PDE3B: variants seen among roughly 807,000 people sequenced by gnomAD.
PDE3B encodes the protein cGMP-inhibited 3',5'-cyclic phosphodiesterase 3B.
In PDE3B, 66 loss-of-function variants were observed where a neutral mutation model predicts 116.8. That is an observed-to-expected ratio of 0.56 (90% CI 0.46 to 0.69). The LOEUF is 0.69. PDE3B is among the 30% of genes least tolerant of loss of function. The pLI is 0.00. For missense variants in PDE3B, 1,384 were observed against 1,368.1 expected (o/e 1.01, Z -0.18); for synonymous variants, 595 against 533.6 (o/e 1.12, Z -1.59).
At chr11:14,749,861 A>C (rs1197753667) in intron 1 of PDE3B, among the ~76,000 whole-genome samples, 1 of 133,838 alleles carries the variant, frequency 7.5e-6, no homozygotes, top group Non-Finnish European at 1.6e-5. Context: ...ATATATATTT[A>C]AAATTTATAT....
rs188571653 is a variant in PDE3B at position 14,656,475 on chromosome 11, A to T, written c.978+11422A>T. Among the ~76,000 whole-genome samples, 360 of 152,280 alleles carry T rather than the reference A, an allele frequency of 2.4e-3. 3 individuals carry two copies. Among genetic ancestry groups the T allele is most frequent in the African/African-American group, 8.0e-3 (334 of 41,558 alleles). ...AGAAAAGAACTGTGGGTGGAGATGG[A>T]TCCCAATTTCCTACTGTCTTTGGTA... On this transcript the variant is annotated intron_variant, in intron 1 of 15. Transcript: ENST00000282096.
intron 1 of PDE3B, among the ~76,000 whole-genome samples, chr11:14,647,917 T>G (rs979049484): frequency 5.4e-5 from 8 of 149,202 alleles, no homozygotes; most frequent in African/African-American, 2.0e-4. Flanking sequence ...AGTTCAGTTC[T>G]TAACTAAGGT....
At chr11:14,878,014 C>A in the PDE3B span, 1 of 1,221,888 alleles carries the variant, frequency 8.2e-7, no homozygotes. Context: ...GTTCATTTGG[C>A]TTTTTGATGC....
At chr11:14,743,042 G>C (rs187933629) in intron 1 of PDE3B, among the ~76,000 whole-genome samples, 1 of 152,186 alleles carries the variant, frequency 6.6e-6, no homozygotes, top group Non-Finnish European at 1.5e-5. Flanking sequence ...AGGCACGGGG[G>C]TCAGGGACCC....
rs192957124 is a variant in PDE3B at position 14,776,670 on chromosome 11, A to G, written c.1029+4683A>G. 5.9e-5 allele frequency: 9 copies of G among 151,332 alleles called. No individual in the cohort carries two copies. In the East Asian group the frequency reaches 1.5e-3, roughly 26 times the overall value. The allele number at this position is 151,332 out of a possible 1,614,324, so 9.4% of individuals were successfully genotyped here. A position where few individuals can be genotyped will look rare whatever the true frequency, so the allele number is the denominator to read the frequency against. On this transcript the variant is annotated intron_variant, in intron 2 of 15. Coordinates refer to ENST00000282096, the MANE Select transcript of PDE3B (RefSeq NM_000922.4). ...TAATAATAATAGTAATAATAAAAAA[A>G]AAAGAAAAAAAAATTCAGACACACC...
chr11:14,787,770 C>T (rs942537636), intron 3 of PDE3B, among the ~76,000 whole-genome samples: 3 of 151,768 alleles, frequency 2.0e-5, no homozygotes, highest in Non-Finnish European at 4.4e-5. Context: ...CACAAGCATT[C>T]AGAGGGCATA....
intron 1 of PDE3B, among the ~76,000 whole-genome samples, chr11:14,701,630 C>T (rs1160930120): frequency 6.6e-6 from 1 of 151,642 alleles, no homozygotes; most frequent in Non-Finnish European, 1.5e-5. Context: ...TTGGCTTAAG[C>T]AGTTTTCTTA....
At chr11:14,885,849 G>A in the PDE3B span, 2 of 1,613,428 alleles carry the variant, frequency 1.2e-6, no homozygotes. Context: ...GATGAACAAG[G>A]CATTCCTTTA....
At chr11:14,890,477 T>C in the PDE3B span, 1 of 976,758 alleles carries the variant, frequency 1.0e-6, no homozygotes, top group African/African-American at 1.8e-5. Context: ...AAACTATTCG[T>C]GAACCATGAA....
chr11:14,676,749 A>G (rs148142252), intron 1 of PDE3B, among the ~76,000 whole-genome samples: 1 of 152,144 alleles, frequency 6.6e-6, no homozygotes, highest in Non-Finnish European at 1.5e-5. Context: ...TGCCATATGT[A>G]TGTGTTATGA....
At chr11:14,740,907 G>A (rs372368556) in intron 1 of PDE3B, among the ~76,000 whole-genome samples, 3 of 152,186 alleles carry the variant, frequency 2.0e-5, no homozygotes, top group South Asian at 2.1e-4. Context: ...GTAGTTGTGC[G>A]GTTTTGAGTG....
chr11:14,811,665 C>T (rs989628742), intron 5 of PDE3B, among the ~76,000 whole-genome samples: 2 of 151,764 alleles, frequency 1.3e-5, no homozygotes, highest in African/African-American at 4.8e-5. Context: ...TAGTTTTTTC[C>T]AATTCTGTGA....
At chr11:14,655,503 C>G (rs910374036) in intron 1 of PDE3B, among the ~76,000 whole-genome samples, 5 of 151,942 alleles carry the variant, frequency 3.3e-5, no homozygotes, top group Non-Finnish European at 5.9e-5. Context: ...TTTTGAGCAT[C>G]TCAGTGTGCT....
intron 5 of PDE3B, among the ~76,000 whole-genome samples, chr11:14,809,095 A>G (rs1383958813): frequency 2.0e-5 from 3 of 152,194 alleles, no homozygotes; most frequent in African/African-American, 7.2e-5. Flanking sequence ...CCACTTTCAA[A>G]TTTTAAAACT....
intron 1 of PDE3B, 128 bp downstream of exon 1, chr11:14,645,181 G>A (rs866691245): frequency 2.8e-5 from 13 of 463,072 alleles, no homozygotes; most frequent in East Asian, 8.4e-5. Context: ...TGTTGCGGGG[G>A]GGGGGGGGGA....
At chr11:14,847,199 C>T (rs1847627109) in intron 12 of PDE3B, among the ~76,000 whole-genome samples, 1 of 152,088 alleles carries the variant, frequency 6.6e-6, no homozygotes, top group African/African-American at 2.4e-5. Context: ...CTCAAAACCG[C>T]TCAACTACAT....
chr11:14,678,970 A>T (rs1345303191), intron 1 of PDE3B, among the ~76,000 whole-genome samples: 1 of 152,186 alleles, frequency 6.6e-6, no homozygotes. Context: ...TTTCTCCTAC[A>T]TACAGAATTT....
the PDE3B span, among the ~76,000 whole-genome samples, chr11:14,890,217 C>T: frequency 1.3e-5 from 2 of 151,252 alleles, no homozygotes; most frequent in Non-Finnish European, 2.9e-5. Flanking sequence ...TTCTCACTAC[C>T]GAGAAAAAAA....
Position 14,858,505 on chromosome 11 carries a change from T to G in PDE3B, c.2521-538T>G, listed in dbSNP as rs534939840. On this transcript the variant is annotated intron_variant, in intron 12 of 15. Transcript: ENST00000282096. The stretch of plus-strand genomic sequence containing the variant: ...GTTTTTATCTGTTACATAGTTCTGT[T>G]TTACTCCCAGGCCCTGTGTGAGGAT... 2.7e-4 allele frequency among the ~76,000 whole-genome samples: 41 copies of G among 152,214 alleles called. No individual in the cohort carries two copies. In the South Asian group the frequency reaches 8.5e-3, roughly 32 times the overall value.
Sources: gnomAD v4.1 joint callset for allele counts (sites outside exome capture counted in the v4.1 genomes callset) on GRCh38, gnomAD v4.1.1 for gene constraint, MANE v1.5 for transcripts, NCBI Gene and HGNC (gene_info 2026-07-23, HGNC 2026-07-21) for gene names.